Variants in MANSC1 observed in about 807,000 individuals in gnomAD.
MANSC1 encodes MANSC domain containing 1, also known as MANSC domain-containing protein 1.
MANSC1 carries 13 observed loss-of-function variants against 14.1 expected under a neutral mutation model. The observed-to-expected ratio is 0.92, with a 90% CI of 0.60 to 1.46. MANSC1 has a LOEUF of 1.46. MANSC1 is among the 40% of genes most tolerant of loss of function. The probability of loss-of-function intolerance (pLI) is 0.00; values close to 1 mark genes in which losing one functional copy is unlikely to be tolerated. For missense variants in MANSC1, 486 were observed against 511.4 expected, an observed-to-expected ratio of 0.95 and a Z score of 0.48; for synonymous variants, 227 against 200.7, an observed-to-expected ratio of 1.13 and a Z score of -1.11.
At chr12:12,331,913 T>C (rs909830171) in intron 3 of MANSC1, among the ~76,000 whole-genome samples, 1 of 152,170 alleles carries the variant, frequency 6.6e-6, no homozygotes, top group African/African-American at 2.4e-5. Context: ...GTCATGAGGA[T>C]GATGGGACCA....
chr12:12,335,211 G>A (rs191170183), intron 3 of MANSC1, among the ~76,000 whole-genome samples: 90 of 151,826 alleles, frequency 5.9e-4, no homozygotes, highest in East Asian at 2.7e-3. Flanking sequence ...TCTCCATCTC[G>A]CCCGCCACTC....
intron 2 of MANSC1, among the ~76,000 whole-genome samples, chr12:12,339,979 A>AT (rs1862913454): frequency 6.6e-6 from 1 of 151,868 alleles, no homozygotes; most frequent in Non-Finnish European, 1.5e-5. Flanking sequence ...TGCCTGGCTA[A>AT]TTTTTTGTTT....
chr12:12,337,818 C>T (rs1293822056), intron 3 of MANSC1, among the ~76,000 whole-genome samples: 1 of 152,108 alleles, frequency 6.6e-6, no homozygotes, highest in Non-Finnish European at 1.5e-5. Flanking sequence ...ATTTATTTTC[C>T]ATTCTGAATT....
intron 2 of MANSC1, among the ~76,000 whole-genome samples, chr12:12,342,836 C>A (rs1347562090): frequency 6.6e-6 from 1 of 151,942 alleles, no homozygotes. Flanking sequence ...TTCTAGATAC[C>A]AGTTGGGATA....
chr12:12,341,961 C>T (rs910541196), intron 2 of MANSC1, among the ~76,000 whole-genome samples: 8 of 121,056 alleles, frequency 6.6e-5, no homozygotes, highest in African/African-American at 1.5e-4. Flanking sequence ...CACTGCGCTC[C>T]GTCCGGCCTG....
chr12:12,342,600 T>G (rs1406804175), intron 2 of MANSC1, among the ~76,000 whole-genome samples: 64 of 147,592 alleles, frequency 4.3e-4, no homozygotes, highest in Admixed American at 4.3e-3. Flanking sequence ...TTTTTTTTTT[T>G]TTTTTTTTGA....
At chr12:12,338,777 T>C in intron 2 of MANSC1, 1 of 587,846 alleles carries the variant, frequency 1.7e-6, no homozygotes. Context: ...TTTCACAAGG[T>C]GGCACCGAAG....
Position 12,344,060 on chromosome 12 carries a change from C to A in MANSC1, c.-100-646G>T, listed in dbSNP as rs112996060. 1.4e-4 allele frequency among the ~76,000 whole-genome samples: 22 copies of A among 152,070 alleles called. 1 individual carries two copies. The highest frequency in any genetic ancestry group is 4.3e-4 in the African/African-American group (18 of 41,458). Reference sequence around the variant, plus strand: ...CCCAGGAAGTTGAGGCTGCAGTGAGCCGTGATTACACCACTGCACTCCAGC... The same window carrying A: ...CCCAGGAAGTTGAGGCTGCAGTGAGACGTGATTACACCACTGCACTCCAGC... On this transcript the variant is annotated intron_variant, in intron 1 of 3. Transcript: ENST00000535902.
intron 3 of MANSC1, among the ~76,000 whole-genome samples, chr12:12,333,949 T>C (rs947288340): frequency 1.3e-5 from 2 of 152,070 alleles, no homozygotes; most frequent in African/African-American, 4.8e-5. Context: ...TATTAGTCAA[T>C]GGGATATAGG....
intron 2 of MANSC1, among the ~76,000 whole-genome samples, chr12:12,340,375 G>A (rs1158735144): frequency 6.6e-6 from 1 of 152,196 alleles, no homozygotes; most frequent in Non-Finnish European, 1.5e-5. Context: ...GATTTAGTTA[G>A]CCTCTGCAGG....
intron 2 of MANSC1, 172 bp from the exon 3 acceptor site, chr12:12,338,732 G>T (rs896261336): frequency 1.6e-6 from 1 of 639,288 alleles, no homozygotes; most frequent in South Asian, 2.2e-5. Context: ...GTTGCTTAAG[G>T]CAATTTTAAA....
chr12:12,349,703 A>T (rs569447783), intron 1 of MANSC1, among the ~76,000 whole-genome samples: 1 of 152,260 alleles, frequency 6.6e-6, no homozygotes, highest in African/African-American at 2.4e-5. Context: ...ACACACACAC[A>T]CTCTACAGAG....
chr12:12,336,901 G>A (rs925226080), intron 3 of MANSC1, among the ~76,000 whole-genome samples: 11 of 152,130 alleles, frequency 7.2e-5, no homozygotes, highest in Admixed American at 5.2e-4. Flanking sequence ...AATAATATTT[G>A]TTATTTATTG....
rs113052256 is a variant in MANSC1 at position 12,331,048 on chromosome 12, G to T, written c.365-90C>A. ...TACAAACATATCAGCTTGTTCAAAA[G>T]ATCCCTAAACTGGTTGGCCATGGTG... On this transcript the variant is annotated intron_variant, in intron 3 of 3. Transcript: ENST00000535902. 3.5e-4 allele frequency: 306 copies of T among 881,550 alleles called. 1 individual carries two copies. The African/African-American group carries it at 4.7e-3, about 14-fold the overall frequency. The allele number at this position is 881,550 out of a possible 1,614,324, so 54.6% of individuals were successfully genotyped here. A position where few individuals can be genotyped will look rare whatever the true frequency, so the allele number is the denominator to read the frequency against.
At chr12:12,338,717 G>T in intron 2 of MANSC1, 157 bp from the exon 3 acceptor site, 1 of 691,174 alleles carries the variant, frequency 1.4e-6, no homozygotes, top group Non-Finnish European at 2.4e-6. Context: ...CTTTTCCTTA[G>T]CTTAGTTGCT....
chr12:12,347,907 AC>A (rs1461002831), intron 1 of MANSC1, among the ~76,000 whole-genome samples: 2 of 151,010 alleles, frequency 1.3e-5, no homozygotes, highest in East Asian at 3.9e-4. Flanking sequence ...AAAAAAAAAT[AC>A]AAAAATTAGC....
rs973871080 is a variant in MANSC1, at chr12:12,328,981, C to G, written c.*1046G>C. 7.7e-6 allele frequency: 1 copy of G among 130,616 alleles called. No individual in the cohort carries two copies. The highest frequency in any genetic ancestry group is 1.6e-5 in the Non-Finnish European group (1 of 64,444). 8.1% of individuals were successfully genotyped at this position (130,616 alleles called of 1,614,324 possible). On this transcript the variant is annotated 3_prime_UTR_variant, in exon 4 of 4. Transcript: ENST00000535902. ...CTAGCCTGGGTGACAGAGCAAGACT[C>G]TGTCACACACACACACACACACACA... is the stretch of plus-strand genomic sequence containing the variant.
chr12:12,337,519 C>T (rs1395947982), intron 3 of MANSC1, among the ~76,000 whole-genome samples: 1 of 152,162 alleles, frequency 6.6e-6, no homozygotes, highest in Non-Finnish European at 1.5e-5. Flanking sequence ...CGAGATCGCA[C>T]CACTGCACTC....
intron 2 of MANSC1, among the ~76,000 whole-genome samples, chr12:12,340,602 C>T (rs960053575): frequency 3.9e-5 from 6 of 152,136 alleles, no homozygotes; most frequent in African/African-American, 1.2e-4. Flanking sequence ...TTTGAACCCT[C>T]GGTGGTTAAA....
Sources: allele counts gnomAD v4.1 joint callset (sites outside exome capture counted in the v4.1 genomes callset), GRCh38; gene constraint gnomAD v4.1.1; transcripts MANE v1.5; gene names NCBI Gene and HGNC (gene_info 2026-07-23, HGNC 2026-07-21).